ITFG1: variants seen among roughly 807,000 people sequenced by gnomAD.
ITFG1 encodes T-cell immunomodulatory protein.
ITFG1 carries 34 observed loss-of-function variants against 81.8 expected under a neutral mutation model. The observed-to-expected ratio is 0.42, with a 90% CI of 0.32 to 0.55. The LOEUF (loss-of-function observed/expected upper bound fraction) is 0.55, where lower values mean the gene tolerates loss of function less well. Ranked by LOEUF, ITFG1 falls within the 20% of genes least tolerant of loss-of-function variation. The probability of loss-of-function intolerance (pLI) is 0.17; values close to 1 mark genes in which losing one functional copy is unlikely to be tolerated. For synonymous variants in ITFG1, 285 were observed against 270.6 expected, an observed-to-expected ratio of 1.05 and a Z score of -0.52; for missense variants, 672 against 755.4, an observed-to-expected ratio of 0.89 and a Z score of 1.29.
chr16:47,428,491 A>G (rs1320943205), intron 6 of ITFG1, among the ~76,000 whole-genome samples: 1 of 152,056 alleles, frequency 6.6e-6, no homozygotes. Context: ...AGCACATATT[A>G]TTTTAAAAAT....
chr16:47,223,695 C>T (rs1025683620), intron 13 of ITFG1, among the ~76,000 whole-genome samples: 2 of 152,132 alleles, frequency 1.3e-5, no homozygotes, highest in Non-Finnish European at 2.9e-5. Context: ...TACCATTTGA[C>T]CCAGCCGTCC....
intron 5 of ITFG1, chr16:47,450,382 A>G (rs774382900): frequency 1.6e-5 from 5 of 322,098 alleles, no homozygotes; most frequent in Non-Finnish European, 3.0e-5. Context: ...TCTCCCATCC[A>G]AGCACTAACC....
intron 7 of ITFG1, 55 bp from the exon 8 acceptor site, chr16:47,365,924 G>A: frequency 1.1e-6 from 1 of 940,678 alleles, no homozygotes; most frequent in Admixed American, 1.9e-5. Context: ...CATTTGTTAA[G>A]TGTAAAACAA....
At chr16:47,362,471 A>C (rs963584595) in intron 8 of ITFG1, among the ~76,000 whole-genome samples, 3 of 152,214 alleles carry the variant, frequency 2.0e-5, no homozygotes, top group African/African-American at 7.2e-5. Context: ...ACTATTTCCC[A>C]TCACTTCTAC....
chr16:47,277,243 G>C (rs1276614439), intron 10 of ITFG1, among the ~76,000 whole-genome samples: 1 of 152,062 alleles, frequency 6.6e-6, no homozygotes, highest in Non-Finnish European at 1.5e-5. Flanking sequence ...TGTTTTATTG[G>C]AAATATAATC....
At chr16:47,250,391 CAT>C (rs1160299492) in intron 12 of ITFG1, among the ~76,000 whole-genome samples, 1 of 150,910 alleles carries the variant, frequency 6.6e-6, no homozygotes, top group Non-Finnish European at 1.5e-5. Flanking sequence ...ATTTCATACA[CAT>C]ATAAATTTGT....
chr16:47,182,731 A>T (rs766155557), intron 14 of ITFG1, among the ~76,000 whole-genome samples: 33 of 152,268 alleles, frequency 2.2e-4, no homozygotes, highest in Middle Eastern at 3.2e-3. Flanking sequence ...CTTAACTTCT[A>T]ATGTTTTATA....
chr16:47,270,147 A>T (rs1017305073), intron 10 of ITFG1, among the ~76,000 whole-genome samples: 2 of 152,228 alleles, frequency 1.3e-5, no homozygotes, highest in Non-Finnish European at 2.9e-5. Flanking sequence ...ACATTGTGTT[A>T]GGTAATGATT....
intron 16 of ITFG1, among the ~76,000 whole-genome samples, chr16:47,160,105 A>C (rs1964777977): frequency 1.3e-5 from 2 of 151,978 alleles, no homozygotes; most frequent in African/African-American, 4.8e-5. Flanking sequence ...CATACTTAAG[A>C]AAACAGTTCT....
At chr16:47,400,491 A>G (rs1028873627) in intron 6 of ITFG1, among the ~76,000 whole-genome samples, 5 of 148,948 alleles carry the variant, frequency 3.4e-5, no homozygotes, top group Admixed American at 6.6e-5. Flanking sequence ...CACACACACC[A>G]CTAGACACCA....
At chr16:47,405,430 C>T (rs1968716519) in intron 6 of ITFG1, among the ~76,000 whole-genome samples, 1 of 152,160 alleles carries the variant, frequency 6.6e-6, no homozygotes, top group South Asian at 2.1e-4. Context: ...CAATATATAT[C>T]CATATTTTCC....
chr16:47,366,832 T>C (rs1968183793), intron 7 of ITFG1, among the ~76,000 whole-genome samples: 1 of 152,174 alleles, frequency 6.6e-6, no homozygotes. Flanking sequence ...AAATGAGCAC[T>C]GGTTTTCTCC....
intron 12 of ITFG1, among the ~76,000 whole-genome samples, chr16:47,257,163 A>G (rs930238183): frequency 6.6e-6 from 1 of 152,238 alleles, no homozygotes; most frequent in Non-Finnish European, 1.5e-5. Flanking sequence ...GCACAAGAAA[A>G]ATAAAAGACA....
intron 2 of ITFG1, 68 bp from the exon 3 acceptor site, chr16:47,454,226 C>A (rs933320467): frequency 1.6e-6 from 2 of 1,250,440 alleles, no homozygotes; most frequent in Non-Finnish European, 2.3e-6. Context: ...TGTATTTCTA[C>A]CACACAAAAA....
chr16:47,190,114 ATGACTTAGT>A (rs1215603660), intron 14 of ITFG1, among the ~76,000 whole-genome samples: 2 of 152,124 alleles, frequency 1.3e-5, no homozygotes, highest in Non-Finnish European at 2.9e-5. Flanking sequence ...AGCTTGACTT[ATGACTTAGT>A]GCACTTAATT....
intron 10 of ITFG1, among the ~76,000 whole-genome samples, chr16:47,264,319 A>G (rs1002106129): frequency 7.2e-5 from 11 of 152,070 alleles, no homozygotes; most frequent in African/African-American, 2.2e-4. Flanking sequence ...TATAGCACAC[A>G]CAAAAGGGAA....
chr16:47,254,570 G>A (rs1966118410), intron 12 of ITFG1, among the ~76,000 whole-genome samples: 1 of 152,112 alleles, frequency 6.6e-6, no homozygotes, highest in Non-Finnish European at 1.5e-5. Flanking sequence ...AAACTCACAA[G>A]TATAGACAGT....
At chr16:47,327,843 G>A (rs879233115) in intron 8 of ITFG1, among the ~76,000 whole-genome samples, 1 of 152,194 alleles carries the variant, frequency 6.6e-6, no homozygotes, top group Non-Finnish European at 1.5e-5. Flanking sequence ...TGGAGAGGAT[G>A]TGGAGAAATA....
rs190633368 is a variant in ITFG1, at chr16:47,440,430, G to A, written c.560+10966C>T. Among the ~76,000 whole-genome samples, 160 of 152,106 alleles carry A rather than the reference G, an allele frequency of 1.1e-3. 1 individual carries two copies. The highest frequency in any genetic ancestry group is 5.6e-3 in the Admixed American group (86 of 15,270). ...ACATATTCCAAAATTGACCACATAC[G>A]TGGAAGTAAAGCACTTCTCATCAAA... On this transcript the variant is annotated intron_variant, in intron 5 of 17. Transcript: ENST00000320640.
Sources: gnomAD v4.1 joint callset for allele counts (sites outside exome capture counted in the v4.1 genomes callset) on GRCh38, gnomAD v4.1.1 for gene constraint, MANE v1.5 for transcripts, NCBI Gene and HGNC (gene_info 2026-07-23, HGNC 2026-07-21) for gene names.